The following SH3GL3 variants were observed in gnomAD, a reference collection of about 807,000 sequenced individuals.
SH3GL3 encodes endophilin-A3.
In SH3GL3, 33 loss-of-function variants were observed where a neutral mutation model predicts 47.7. The ratio of observed to expected loss-of-function variants is 0.69; its 90% CI spans 0.52 to 0.92. The LOEUF (loss-of-function observed/expected upper bound fraction) is 0.92, where lower values mean the gene tolerates loss of function less well. Among genes scored for constraint, SH3GL3 ranks in the 40% least tolerant of loss-of-function variants. The probability of loss-of-function intolerance (pLI) is 0.00; values close to 1 mark genes in which losing one functional copy is unlikely to be tolerated. For synonymous variants in SH3GL3, 155 were observed against 148.8 expected (o/e 1.04, Z -0.30); for missense variants, 363 against 417.8 (o/e 0.87, Z 1.14).
intron 8 of SH3GL3, among the ~76,000 whole-genome samples, chr15:83,613,224 G>A (rs767607883): frequency 2.0e-5 from 3 of 152,242 alleles, no homozygotes; most frequent in Admixed American, 2.0e-4. Context: ...CCAGCCCAGT[G>A]GTGGCTGGAG....
At chr15:83,555,558 G>T (rs957215791) in intron 1 of SH3GL3, among the ~76,000 whole-genome samples, 13 of 152,130 alleles carry the variant, frequency 8.5e-5, no homozygotes, top group Admixed American at 6.5e-5. Context: ...TGATATTGGG[G>T]CTATCTGGAT....
intron 1 of SH3GL3, among the ~76,000 whole-genome samples, chr15:83,548,428 A>T (rs1189267170): frequency 6.6e-6 from 1 of 150,912 alleles, no homozygotes; most frequent in Admixed American, 6.6e-5. Flanking sequence ...TATATAATAC[A>T]TACACACTAC....
downstream of SH3GL3, among the ~76,000 whole-genome samples, chr15:83,619,859 T>C (rs1003480946): frequency 1.3e-5 from 2 of 152,228 alleles, no homozygotes; most frequent in African/African-American, 2.4e-5. Flanking sequence ...ACAAAAGATT[T>C]CTCTGTCACA....
At chr15:83,520,425 TAA>T (rs2043158277) in intron 1 of SH3GL3, among the ~76,000 whole-genome samples, 1 of 152,196 alleles carries the variant, frequency 6.6e-6, no homozygotes, top group Non-Finnish European at 1.5e-5. Flanking sequence ...CACCTGTTAG[TAA>T]TTTGCGTGTG....
chr15:83,541,422 C>T (rs866852454), intron 1 of SH3GL3, among the ~76,000 whole-genome samples: 1 of 144,104 alleles, frequency 6.9e-6, no homozygotes, highest in Non-Finnish European at 1.5e-5. Flanking sequence ...CAAGCTCCGC[C>T]TCCCGGGTTC....
chr15:83,616,316 G>A (rs1444334429), intron 8 of SH3GL3, among the ~76,000 whole-genome samples: 7 of 146,416 alleles, frequency 4.8e-5, no homozygotes, highest in East Asian at 2.0e-4. Flanking sequence ...GCGGTGGCGC[G>A]ATCTTGGCTC....
intron 1 of SH3GL3, among the ~76,000 whole-genome samples, chr15:83,517,526 T>C (rs1369786236): frequency 6.6e-6 from 1 of 152,144 alleles, no homozygotes; most frequent in African/African-American, 2.4e-5. Context: ...TTTTAATTTG[T>C]GTTTCCCTCA....
At chr15:83,625,653 T>C in the SH3GL3 span, among the ~76,000 whole-genome samples, 1 of 152,262 alleles carries the variant, frequency 6.6e-6, no homozygotes, top group Non-Finnish European at 1.5e-5. Flanking sequence ...GTTATTTTTA[T>C]AGCTTATCTA....
intron 1 of SH3GL3, among the ~76,000 whole-genome samples, chr15:83,550,196 C>G (rs2044592551): frequency 6.6e-6 from 1 of 152,090 alleles, no homozygotes; most frequent in South Asian, 2.1e-4. Flanking sequence ...TGACTGCCAA[C>G]TGGTTGAAAG....
intron 8 of SH3GL3, among the ~76,000 whole-genome samples, chr15:83,612,320 C>T (rs967656714): frequency 1.1e-4 from 17 of 152,204 alleles, no homozygotes; most frequent in Admixed American, 1.1e-3. Context: ...GCTGAGGTGA[C>T]TCGTCACAGG....
intron 1 of SH3GL3, among the ~76,000 whole-genome samples, chr15:83,482,997 T>A (rs1005436965): frequency 6.6e-6 from 1 of 152,198 alleles, no homozygotes; most frequent in Non-Finnish European, 1.5e-5. Context: ...TCAGAATCAG[T>A]GCACTGTTTT....
At chr15:83,567,719 T>C (rs1017663210) in intron 3 of SH3GL3, among the ~76,000 whole-genome samples, 24 of 152,216 alleles carry the variant, frequency 1.6e-4, no homozygotes, top group Admixed American at 4.6e-4. Context: ...TGTGTGTGCG[T>C]GCGCGCGCAT....
chr15:83,475,298 T>G (rs2041043943), intron 1 of SH3GL3, among the ~76,000 whole-genome samples: 1 of 151,820 alleles, frequency 6.6e-6, no homozygotes, highest in Non-Finnish European at 1.5e-5. Context: ...GCCAACATAG[T>G]AAAACCCTGT....
chr15:83,534,431 G>A (rs1046598287), intron 1 of SH3GL3, among the ~76,000 whole-genome samples: 6 of 151,880 alleles, frequency 4.0e-5, no homozygotes, highest in Non-Finnish European at 8.8e-5. Flanking sequence ...CCTCCCTCTT[G>A]TTGGCTTAGG....
intron 1 of SH3GL3, among the ~76,000 whole-genome samples, chr15:83,555,136 C>T (rs911828526): frequency 2.0e-5 from 3 of 152,174 alleles, no homozygotes; most frequent in Non-Finnish European, 4.4e-5. Context: ...CCTGATTGCG[C>T]CCAGGCTGGA....
At chr15:83,479,309 T>A (rs1015574053) in intron 1 of SH3GL3, among the ~76,000 whole-genome samples, 21 of 151,956 alleles carry the variant, frequency 1.4e-4, no homozygotes, top group Admixed American at 1.4e-3. Context: ...GACCTCGATT[T>A]GTGTAGAGGT....
the SH3GL3 span, among the ~76,000 whole-genome samples, chr15:83,627,721 G>T: frequency 1.3e-5 from 2 of 152,134 alleles, no homozygotes; most frequent in Admixed American, 6.5e-5. Flanking sequence ...GTACATCCAT[G>T]ATTGAGAAAA....
intron 1 of SH3GL3, among the ~76,000 whole-genome samples, chr15:83,536,169 C>T (rs182797545): frequency 4.5e-4 from 69 of 152,280 alleles, no homozygotes; most frequent in African/African-American, 1.6e-3. Flanking sequence ...CTAGTTGGAA[C>T]CCATTTTCCC....
chr15:83,462,046 A>G (rs1256318570), intron 1 of SH3GL3, among the ~76,000 whole-genome samples: 2 of 152,222 alleles, frequency 1.3e-5, no homozygotes, highest in South Asian at 2.1e-4. Context: ...ATTTTCTCCT[A>G]TGGAATTTTT....
Sources: gnomAD v4.1 joint callset for allele counts (sites outside exome capture counted in the v4.1 genomes callset) on GRCh38, gnomAD v4.1.1 for gene constraint, MANE v1.5 for transcripts, NCBI Gene and HGNC (gene_info 2026-07-23, HGNC 2026-07-21) for gene names.